Variants in SNX2 observed in about 807,000 individuals in gnomAD.
SNX2 encodes sorting nexin-2.
A neutral mutation model predicts 69.9 loss-of-function variants in SNX2; 25 were observed. The observed-to-expected ratio is 0.36, with a 90% CI of 0.26 to 0.50. SNX2 has a LOEUF of 0.50. Among genes scored for constraint, SNX2 ranks in the 20% least tolerant of loss-of-function variants. The probability of loss-of-function intolerance (pLI) is 0.97; values close to 1 mark genes in which losing one functional copy is unlikely to be tolerated. For missense variants in SNX2, 551 were observed against 613.3 expected (o/e 0.90, Z 1.07); for synonymous variants, 229 against 200.4 (o/e 1.14, Z -1.20).
chr5:122,819,621 A>G (rs1004195319), intron 11 of SNX2, among the ~76,000 whole-genome samples: 6 of 152,248 alleles, frequency 3.9e-5, no homozygotes, highest in African/African-American at 1.4e-4. Flanking sequence ...TTCTGCAGAT[A>G]TCTGCAGTTT....
At chr5:122,782,811 A>G (rs1351339728) in intron 1 of SNX2, among the ~76,000 whole-genome samples, 1 of 152,226 alleles carries the variant, frequency 6.6e-6, no homozygotes, top group East Asian at 1.9e-4. Flanking sequence ...TGTTGGGATT[A>G]CAGGCGTGAG....
chr5:122,801,652 C>CGTGTGAGT (rs1753514588), intron 3 of SNX2, among the ~76,000 whole-genome samples: 1 of 132,056 alleles, frequency 7.6e-6, no homozygotes, highest in Non-Finnish European at 1.6e-5. Flanking sequence ...TGGTCTTTTT[C>CGTGTGAGT]GTGTGTGTGT....
Position 122,831,204 on chromosome 5 carries a change from C to T in SNX2, c.*1556C>T, listed in dbSNP as rs1393574645. On this transcript the variant is annotated 3_prime_UTR_variant, in exon 15 of 15. Transcript: ENST00000379516. ...AATTTATATATCGAAGTATCCTTAG[C>T]ATGTGTTTGCTTCTGCTTTAGTTGA... Among the ~76,000 whole-genome samples, 5 of 152,076 alleles carry T rather than the reference C, an allele frequency of 3.3e-5. No homozygotes were observed. The highest frequency in any genetic ancestry group is 1.2e-4 in the African/African-American group (5 of 41,402).
At chr5:122,824,812 G>A (rs1026924924) in intron 11 of SNX2, among the ~76,000 whole-genome samples, 2 of 152,120 alleles carry the variant, frequency 1.3e-5, no homozygotes, top group African/African-American at 4.8e-5. Context: ...ACATTTACAT[G>A]TGTATGTTAT....
chr5:122,789,472 C>T (rs1219346032), intron 1 of SNX2, among the ~76,000 whole-genome samples: 11 of 49,160 alleles, frequency 2.2e-4, no homozygotes, highest in South Asian at 1.7e-3. Flanking sequence ...CAGACACACA[C>T]GGACACACAC....
At chr5:122,779,684 T>A (rs1317765665) in intron 1 of SNX2, among the ~76,000 whole-genome samples, 3 of 152,208 alleles carry the variant, frequency 2.0e-5, no homozygotes, top group Admixed American at 6.5e-5. Flanking sequence ...ATTTGAAGAG[T>A]TGCCAGACTG....
chr5:122,795,095 A>T (rs1753347349), intron 1 of SNX2, among the ~76,000 whole-genome samples, 171 bp from the exon 2 acceptor site: 1 of 152,236 alleles, frequency 6.6e-6, no homozygotes, highest in African/African-American at 2.4e-5. Flanking sequence ...ATGATGAGTT[A>T]AAAGTGTGTT....
chr5:122,818,239 T>C lies in SNX2; in HGVS notation c.1007-579T>C, dbSNP rs965698925. Among the ~76,000 whole-genome samples the C allele has an allele frequency of 1.4e-4, 22 of 152,316 alleles. 1 individual carries two copies. The highest frequency in any genetic ancestry group is 5.0e-4 in the African/African-American group (21 of 41,596). ...CAGCCTGTAAACATCTACTTTTCTT[T>C]ATTTGAAATATCTGAAATGATCACA... On this transcript the variant is annotated intron_variant, in intron 10 of 14. Transcript: ENST00000379516.
intron 2 of SNX2, 146 bp downstream of exon 2, chr5:122,795,529 T>G: frequency 1.7e-6 from 1 of 605,304 alleles, no homozygotes; most frequent in Non-Finnish European, 2.9e-6. Flanking sequence ...GAATTTCCAG[T>G]CACATCACTC....
intron 11 of SNX2, among the ~76,000 whole-genome samples, chr5:122,825,707 A>G (rs1441096277): frequency 6.6e-6 from 1 of 152,060 alleles, no homozygotes; most frequent in African/African-American, 2.4e-5. Flanking sequence ...CAGTGTAGGT[A>G]TGACACTAGC....
chr5:122,783,378 A>G (rs1486452097), intron 1 of SNX2, among the ~76,000 whole-genome samples: 5 of 152,160 alleles, frequency 3.3e-5, no homozygotes, highest in Non-Finnish European at 7.3e-5. Context: ...ATCCTTTGCT[A>G]ACTTTAACCC....
chr5:122,808,359 A>G lies in SNX2; in HGVS notation c.722+4A>G, dbSNP rs1753698812. The G allele has an allele frequency of 6.3e-7, 1 of 1,586,350 alleles. No individual in the cohort carries two copies. The highest frequency in any genetic ancestry group is 8.6e-7 in the Non-Finnish European group (1 of 1,158,256). ...AACGGAGAGCAGCTCTTGAAAGGTAATTCTAGACAGCTATATTTTATTACT... is the reference window on the plus strand; with the variant it reads ...AACGGAGAGCAGCTCTTGAAAGGTAGTTCTAGACAGCTATATTTTATTACT... On this transcript the variant is annotated splice_donor_region_variant and intron_variant, in intron 7 of 14. Coordinates refer to ENST00000379516, the MANE Select transcript of SNX2 (RefSeq NM_003100.4).
At chr5:122,824,890 A>G (rs1354313931) in intron 11 of SNX2, among the ~76,000 whole-genome samples, 1 of 152,174 alleles carries the variant, frequency 6.6e-6, no homozygotes, top group Non-Finnish European at 1.5e-5. Flanking sequence ...TCACTATGCA[A>G]TAATATACTC....
Position 122,830,504 on chromosome 5 carries a change from G to GT in SNX2, c.*864dup, listed in dbSNP as rs909308112. 6.6e-6 allele frequency among the ~76,000 whole-genome samples: 1 copy of GT among 151,608 alleles called. No individual in the cohort carries two copies. Among genetic ancestry groups the GT allele is most frequent in the Middle Eastern group, 3.2e-3 (1 of 316 alleles). On this transcript the variant is annotated 3_prime_UTR_variant, in exon 15 of 15. Transcript: ENST00000379516. The stretch of plus-strand genomic sequence containing the variant: ...ATATTTAATTTATTCTTGTCTTTTG[G>GT]TTTTTTTTCTTTTAAACTAAAAGTA...
At chr5:122,778,481 A>G (rs1191217827) in intron 1 of SNX2, among the ~76,000 whole-genome samples, 1 of 151,968 alleles carries the variant, frequency 6.6e-6, no homozygotes, top group African/African-American at 2.4e-5. Flanking sequence ...CTTTGCTAGC[A>G]TTTGTTATTT....
chr5:122,809,158 T>A (rs1753715554), intron 7 of SNX2, among the ~76,000 whole-genome samples: 1 of 152,168 alleles, frequency 6.6e-6, no homozygotes. Context: ...TTTCATAGTA[T>A]TTCCATTATA....
chr5:122,796,868 C>G (rs115524969), intron 2 of SNX2, among the ~76,000 whole-genome samples: 2,258 of 151,924 alleles, frequency 0.015, 22 homozygotes, highest in Non-Finnish European at 0.019. Context: ...CACAGCTGAT[C>G]AAAGAGTTAG....
At chr5:122,801,384 CACCTGAGGTCAGGAGTTCAA>C (rs1753506592) in intron 3 of SNX2, among the ~76,000 whole-genome samples, 1 of 152,074 alleles carries the variant, frequency 6.6e-6, no homozygotes, top group Non-Finnish European at 1.5e-5. Context: ...GTGGGCAGAT[CACCTGAGGTCAGGAGTTCAA>C]AACCAGCCTG....
chr5:122,809,672 G>A (rs1294334092), intron 7 of SNX2, among the ~76,000 whole-genome samples: 1 of 151,960 alleles, frequency 6.6e-6, no homozygotes, highest in East Asian at 1.9e-4. Flanking sequence ...ACAGGTCTTG[G>A]GGGTGGTATC....
Sources: allele counts gnomAD v4.1 joint callset (sites outside exome capture counted in the v4.1 genomes callset), GRCh38; gene constraint gnomAD v4.1.1; transcripts MANE v1.5; gene names NCBI Gene and HGNC (gene_info 2026-07-23, HGNC 2026-07-21).